Variants in GRHL2 observed in about 807,000 individuals in gnomAD.
GRHL2 encodes the protein grainyhead like transcription factor 2.
In GRHL2, 21 loss-of-function variants were observed where a neutral mutation model predicts 83.8. That is an observed-to-expected ratio of 0.25 (90% confidence interval 0.18 to 0.36). The LOEUF is 0.36. Ranked by LOEUF, GRHL2 falls within the 10% of genes least tolerant of loss-of-function variation. The pLI, the probability that GRHL2 is intolerant of heterozygous loss-of-function variation, is 1.00. For missense variants in GRHL2, 623 were observed against 781.8 expected, an observed-to-expected ratio of 0.80 and a Z score of 2.42; for synonymous variants, 280 against 278.9, an observed-to-expected ratio of 1.00 and a Z score of -0.04.
intron 13 of GRHL2, among the ~76,000 whole-genome samples, chr8:101,644,504 C>T (rs913365507): frequency 3.3e-5 from 5 of 152,192 alleles, no homozygotes; most frequent in African/African-American, 4.8e-5. Context: ...AGGTTAAGAA[C>T]GAAACTCTTG....
At chr8:101,631,758 A>C in intron 10 of GRHL2, 34 bp downstream of exon 10, 1 of 1,560,520 alleles carries the variant, frequency 6.4e-7, no homozygotes, top group Non-Finnish European at 8.8e-7. Context: ...TGCTTTCTAA[A>C]GACTCCAGGT....
chr8:101,612,663 G>T (rs1421373910), intron 8 of GRHL2, among the ~76,000 whole-genome samples: 1 of 150,980 alleles, frequency 6.6e-6, no homozygotes, highest in Non-Finnish European at 1.5e-5. Context: ...ATATTAAATT[G>T]ACTTCAGCTA....
At chr8:101,556,621 A>G (rs546190607) in intron 3 of GRHL2, among the ~76,000 whole-genome samples, 10 of 152,222 alleles carry the variant, frequency 6.6e-5, no homozygotes, top group African/African-American at 1.9e-4. Context: ...TGTACCACCC[A>G]GGAGGTCTGA....
intron 12 of GRHL2, among the ~76,000 whole-genome samples, chr8:101,641,992 T>G (rs1450168202): frequency 1.3e-5 from 2 of 152,236 alleles, no homozygotes; most frequent in African/African-American, 4.8e-5. Context: ...TCTGTACATG[T>G]CCAGTACAGA....
chr8:101,647,805 C>G (rs924133129), intron 13 of GRHL2, among the ~76,000 whole-genome samples: 2 of 151,142 alleles, frequency 1.3e-5, no homozygotes, highest in Non-Finnish European at 2.9e-5. Context: ...GAAATGCAGG[C>G]AGAAGCCACA....
At chr8:101,497,919 A>G (rs1304246883) in intron 1 of GRHL2, among the ~76,000 whole-genome samples, 1 of 152,090 alleles carries the variant, frequency 6.6e-6, no homozygotes, top group East Asian at 1.9e-4. Context: ...GTTTGCTTTC[A>G]TTGTTTTGCT....
intron 1 of GRHL2, among the ~76,000 whole-genome samples, chr8:101,509,197 CT>C (rs1810411473): frequency 2.5e-5 from 1 of 39,272 alleles, no homozygotes; most frequent in African/African-American, 6.5e-5. Flanking sequence ...TTCTCTCTTT[CT>C]TTCTTTCTTC....
chr8:101,492,686 A>G lies in GRHL2; in HGVS notation c.-84A>G, dbSNP rs929796155. 8 of 1,232,900 alleles carry G rather than the reference A, an allele frequency of 6.5e-6. No individual in the cohort carries two copies. The highest frequency in any genetic ancestry group is 1.5e-5 in the African/African-American group (1 of 67,576). 76.4% of individuals were successfully genotyped at this position (1,232,900 alleles called of 1,614,324 possible). A position where few individuals can be genotyped will look rare whatever the true frequency, so the allele number is the denominator to read the frequency against. On this transcript the variant is annotated 5_prime_UTR_variant, in exon 1 of 16. Transcript: ENST00000646743. ...TCTGCCATCTCGGGCGCTCTCACAC[A>G]CCTTCACCTGCACAGACTTGAAAGT...
intron 8 of GRHL2, 140 bp from the exon 9 acceptor site, chr8:101,619,399 T>C: frequency 1.4e-6 from 1 of 702,090 alleles, no homozygotes; most frequent in Non-Finnish European, 2.5e-6. Flanking sequence ...AGCATGTTTT[T>C]ATGTGAAAAG....
intron 8 of GRHL2, among the ~76,000 whole-genome samples, chr8:101,607,658 G>A (rs1046474450): frequency 1.3e-5 from 2 of 152,198 alleles, no homozygotes; most frequent in African/African-American, 4.8e-5. Flanking sequence ...GCACTCCTGG[G>A]AGGGGTCTTG....
chr8:101,589,438 C>A (rs1812231241), intron 7 of GRHL2, among the ~76,000 whole-genome samples: 1 of 152,184 alleles, frequency 6.6e-6, no homozygotes, highest in African/African-American at 2.4e-5. Context: ...AGGATATGAC[C>A]TATTGTCAGT....
chr8:101,624,809 G>T (rs1331989145), intron 9 of GRHL2, among the ~76,000 whole-genome samples: 2 of 152,144 alleles, frequency 1.3e-5, no homozygotes, highest in East Asian at 1.9e-4. Context: ...TGAAGGTACA[G>T]ACAGCATAAG....
At chr8:101,631,007 A>G (rs1164644054) in intron 9 of GRHL2, among the ~76,000 whole-genome samples, 1 of 152,200 alleles carries the variant, frequency 6.6e-6, no homozygotes, top group Non-Finnish European at 1.5e-5. Flanking sequence ...AGAGGAGCAA[A>G]AAGGAGTTTA....
At chr8:101,571,014 T>C (rs796408564) in intron 5 of GRHL2, among the ~76,000 whole-genome samples, 11 of 152,342 alleles carry the variant, frequency 7.2e-5, no homozygotes, top group African/African-American at 1.2e-4. Flanking sequence ...GTGCCTTCCA[T>C]GTGCAGCAGT....
intron 7 of GRHL2, among the ~76,000 whole-genome samples, chr8:101,578,862 A>G (rs1275082414): frequency 2.0e-5 from 3 of 152,200 alleles, no homozygotes; most frequent in East Asian, 3.8e-4. Context: ...TGAGAGGCTC[A>G]CTGTAGAAGA....
intron 8 of GRHL2, among the ~76,000 whole-genome samples, chr8:101,612,295 T>C (rs1586143625): frequency 6.6e-6 from 1 of 151,166 alleles, no homozygotes; most frequent in South Asian, 2.1e-4. Flanking sequence ...TGGCCTTCTC[T>C]CTTACTTCTT....
chr8:101,559,520 A>G (rs538563737), intron 4 of GRHL2, among the ~76,000 whole-genome samples: 1 of 152,272 alleles, frequency 6.6e-6, no homozygotes, highest in East Asian at 1.9e-4. Context: ...ACAAGAACGA[A>G]ACTCCATCTC....
intron 14 of GRHL2, among the ~76,000 whole-genome samples, chr8:101,658,403 G>A (rs1813845422): frequency 6.6e-6 from 1 of 152,142 alleles, no homozygotes; most frequent in Non-Finnish European, 1.5e-5. Context: ...CTTACTGACT[G>A]GAAGCCTCAG....
rs112134650 is a variant in GRHL2 at position 101,513,500 on chromosome 8, C to CTTTTTTTTTTTTTTTTT, written c.20+20721_20+20722insTTTTTTTTTTTTTTTTT. On this transcript the variant is annotated intron_variant, in intron 1 of 15. Transcript: ENST00000646743. ...TATGTGGGTGCAGGCTATCGTTGTG[C>CTTTTTTTTTTTTTTTTT]TTTTTTTTTTGGAGATGGAGTTTTG... is the stretch of plus-strand genomic sequence containing the variant. Among the ~76,000 whole-genome samples, 6 of 100,166 alleles carry CTTTTTTTTTTTTTTTTT rather than the reference C, an allele frequency of 6.0e-5. 1 individual carries two copies. Among genetic ancestry groups the CTTTTTTTTTTTTTTTTT allele is most frequent in the Non-Finnish European group, 3.8e-5 (2 of 52,784 alleles). The allele number at this position is 100,166 out of a possible 152,430, so 65.7% of individuals were successfully genotyped here.
Sources: allele counts gnomAD v4.1 joint callset (sites outside exome capture counted in the v4.1 genomes callset), GRCh38; gene constraint gnomAD v4.1.1; transcripts MANE v1.5; gene names NCBI Gene and HGNC (gene_info 2026-07-23, HGNC 2026-07-21).